The following GRID1 variants were observed in gnomAD, a reference collection of about 807,000 sequenced individuals.
GRID1 encodes glutamate receptor ionotropic, delta-1.
GRID1 carries 28 observed loss-of-function variants against 98.0 expected under a neutral mutation model. That is an observed-to-expected ratio of 0.29 (90% CI 0.21 to 0.39). The LOEUF (loss-of-function observed/expected upper bound fraction) is 0.39. Ranked by LOEUF, GRID1 falls within the 10% of genes least tolerant of loss-of-function variation. The probability of loss-of-function intolerance (pLI) is 1.00; values close to 1 mark genes in which losing one functional copy is unlikely to be tolerated. For missense variants in GRID1, 1,111 were observed against 1,340.5 expected, an observed-to-expected ratio of 0.83 and a Z score of 2.67; for synonymous variants, 553 against 538.5, an observed-to-expected ratio of 1.03 and a Z score of -0.37.
intron 4 of GRID1, among the ~76,000 whole-genome samples, chr10:85,951,916 C>A (rs991595717): frequency 6.6e-6 from 1 of 152,214 alleles, no homozygotes; most frequent in Non-Finnish European, 1.5e-5. Flanking sequence ...GTGAGGCCGA[C>A]GCCTTGCCTG....
At chr10:86,040,753 C>T (rs1156327462) in intron 4 of GRID1, among the ~76,000 whole-genome samples, 5 of 152,056 alleles carry the variant, frequency 3.3e-5, no homozygotes, top group Non-Finnish European at 5.9e-5. Flanking sequence ...TTTGAATGTT[C>T]CCACAACAAA....
intron 8 of GRID1, among the ~76,000 whole-genome samples, chr10:85,821,575 G>GTGT (rs1477033234): frequency 6.8e-6 from 1 of 146,404 alleles, no homozygotes; most frequent in Admixed American, 6.8e-5. Flanking sequence ...ACTGTGGGTG[G>GTGT]TGTTAGAGGG....
chr10:85,685,199 T>A lies in GRID1; in HGVS notation c.1998-37802A>T, dbSNP rs111307070. 4.8e-3 allele frequency among the ~76,000 whole-genome samples: 727 copies of A among 152,318 alleles called. 8 individuals carry two copies. The highest frequency in any genetic ancestry group is 0.016 in the African/African-American group (674 of 41,566). The stretch of plus-strand genomic sequence containing the variant: ...AATTCCAGGAGAATTTATAGTTAAG[T>A]TATTAAAATTAATAAGCCTATTCAG... On this transcript the variant is annotated intron_variant, in intron 12 of 15. Transcript: ENST00000327946.
At chr10:86,213,467 C>T (rs1846133236) in intron 2 of GRID1, among the ~76,000 whole-genome samples, 1 of 151,968 alleles carries the variant, frequency 6.6e-6, no homozygotes, top group Admixed American at 6.6e-5. Flanking sequence ...CAAGCTATCT[C>T]GCATGACTTC....
Position 85,620,048 on chromosome 10 carries a change from T to A in GRID1, c.2194-15A>T. ...CCCTTCTTTGCCTGAAAGATCAAAA[T>A]TACCATGAAGTCAGGCAGTCCTGGC... On this transcript the variant is annotated splice_polypyrimidine_tract_variant and intron_variant, in intron 13 of 15. Coordinates refer to ENST00000327946, the MANE Select transcript of GRID1 (RefSeq NM_017551.3). 1 of 1,611,900 alleles carries A rather than the reference T, an allele frequency of 6.2e-7. No individual in the cohort carries two copies. The highest frequency in any genetic ancestry group is 2.2e-5 in the East Asian group (1 of 44,846).
intron 12 of GRID1, among the ~76,000 whole-genome samples, chr10:85,670,464 A>C (rs1841072350): frequency 6.6e-6 from 1 of 152,238 alleles, no homozygotes; most frequent in South Asian, 2.1e-4. Context: ...AAAGGAGACC[A>C]GGGAAGAAAG....
chr10:86,351,407 A>C (rs535861048), intron 2 of GRID1, among the ~76,000 whole-genome samples: 4 of 152,298 alleles, frequency 2.6e-5, no homozygotes, highest in African/African-American at 9.6e-5. Flanking sequence ...AGGTGGGCTG[A>C]GGGATCAATG....
chr10:86,241,154 C>A (rs993015150), intron 2 of GRID1, among the ~76,000 whole-genome samples: 3 of 152,228 alleles, frequency 2.0e-5, no homozygotes, highest in Non-Finnish European at 4.4e-5. Context: ...TGCACCAGCT[C>A]CCACTTGTTT....
Position 86,206,774 on chromosome 10 carries a change from G to T in GRID1, c.236-126C>A. On this transcript the variant is annotated intron_variant, in intron 2 of 15. Transcript: ENST00000327946. This position sits in a 1 kb window ranked among gnomAD's most constrained non-coding sequence, Gnocchi z 4.1. ...CCCAAGAGAGGCTGCCTCCCTCCAGGACCAAGAACCATCCTGGGCAGGCCA... is the reference window on the plus strand; with the variant it reads ...CCCAAGAGAGGCTGCCTCCCTCCAGTACCAAGAACCATCCTGGGCAGGCCA... The T allele has an allele frequency of 1.2e-6, 1 of 817,914 alleles. No individual in the cohort carries two copies. The highest frequency in any genetic ancestry group is 2.7e-5 in the East Asian group (1 of 37,364). 50.7% of individuals were successfully genotyped at this position (817,914 alleles called of 1,614,324 possible).
At chr10:86,152,076 C>T (rs1321808722) in intron 3 of GRID1, among the ~76,000 whole-genome samples, 2 of 152,166 alleles carry the variant, frequency 1.3e-5, no homozygotes, top group Admixed American at 6.5e-5. Context: ...AGGGAGTGCA[C>T]GAGAAGGGGT....
Position 86,363,914 on chromosome 10 carries a change from T to A in GRID1, c.235+27A>T, listed in dbSNP as rs116536584. The A allele has an allele frequency of 6.8e-4, 1,092 of 1,601,612 alleles. 8 individuals carry two copies. The African/African-American group carries it at 0.013, about 20-fold the overall frequency. ...CGACGCCTCGCAGGCCGTGTCCCAG[T>A]GGGCCCTGGGCACAGCGGTCACTCA... On this transcript the variant is annotated intron_variant, in intron 2 of 15. Transcript: ENST00000327946.
At chr10:85,646,932 C>T (rs1843201125) in intron 13 of GRID1, 1 of 496,754 alleles carries the variant, frequency 2.0e-6, no homozygotes, top group South Asian at 2.4e-5. Flanking sequence ...TGTCACCCTC[C>T]TATGAGCCCA....
At position 85,611,283 on chromosome 10, in the gene GRID1, C is replaced by T. The variant is rs575565196; in HGVS notation, c.2601+2124G>A. Among the ~76,000 whole-genome samples, 5 of 152,298 alleles carry T rather than the reference C, an allele frequency of 3.3e-5. No homozygotes were observed. In the East Asian group the frequency reaches 9.6e-4, roughly 29 times the overall value. On this transcript the variant is annotated intron_variant, in intron 15 of 15. Coordinates refer to ENST00000327946, the MANE Select transcript of GRID1 (RefSeq NM_017551.3). ...TGAAATTGTCCAAACCGTCACTAAA[C>T]TAGGCATTGTGAAGGGACAAAGCTA... is the stretch of plus-strand genomic sequence containing the variant.
At chr10:86,052,126 T>G (rs1843510504) in intron 4 of GRID1, among the ~76,000 whole-genome samples, 1 of 152,194 alleles carries the variant, frequency 6.6e-6, no homozygotes, top group African/African-American at 2.4e-5. Context: ...GGCAAGCCTT[T>G]CTAATACGGA....
rs986755512 is a variant in GRID1, at chr10:85,937,599, G to A, written c.727-21360C>T. Among the ~76,000 whole-genome samples the A allele has an allele frequency of 6.6e-5, 10 of 152,270 alleles. 1 individual carries two copies. The highest frequency in any genetic ancestry group is 2.4e-4 in the African/African-American group (10 of 41,544). ...GAGGGTCTCCCCTCTTAAACTGTAA[G>A]ATTCTAGATGATAGGAGCTGAGTTT... On this transcript the variant is annotated intron_variant, in intron 4 of 15. Transcript: ENST00000327946.
chr10:86,290,372 G>A (rs57906456), intron 2 of GRID1, among the ~76,000 whole-genome samples: 1,791 of 152,298 alleles, frequency 0.012, 37 homozygotes, highest in African/African-American at 0.041. Flanking sequence ...TCCCGGCCAG[G>A]TGCGGTGGCT....
At chr10:85,629,187 A>G (rs2132532781) in intron 13 of GRID1, among the ~76,000 whole-genome samples, 1 of 152,326 alleles carries the variant, frequency 6.6e-6, no homozygotes, top group South Asian at 2.1e-4. Context: ...TTTGCATCTC[A>G]AAAAGGCCAC....
At position 86,206,461 on chromosome 10, in the gene GRID1, C is replaced by T. The variant is rs754940206; in HGVS notation, c.423G>A (p.Leu141=). The T allele has an allele frequency of 1.9e-6, 3 of 1,614,238 alleles. No individual in the cohort carries two copies. Among genetic ancestry groups the T allele is most frequent in the Non-Finnish European group, 2.5e-6 (3 of 1,180,042 alleles). The change falls in exon 3 of 16, where the codon CTG becomes CTA. Residue 141 remains leucine (L), a synonymous_variant. Transcript: ENST00000327946. The surrounding 1 kb of genome is among the most constrained non-coding windows in gnomAD (Gnocchi z 4.1). The part of the protein sequence containing the change: ...NPSPDGEAYT[L]ASRPPVRLND... ...TGAGGCGGACGGGTGGTCTCGAAGC[C>T]AGTGTGTAGGCCTCACCATCGGGGC... is the stretch of plus-strand genomic sequence containing the variant.
chr10:85,787,621 G>A (rs1842441400), intron 8 of GRID1, among the ~76,000 whole-genome samples: 1 of 152,162 alleles, frequency 6.6e-6, no homozygotes, highest in African/African-American at 2.4e-5. Context: ...GCCCAGCTCT[G>A]TGACATCCAC....
Sources: gnomAD v4.1 joint callset for allele counts (sites outside exome capture counted in the v4.1 genomes callset) on GRCh38, gnomAD v4.1.1 for gene constraint, Gnocchi (gnomAD v3.1) non-coding constraint, MANE v1.5 for transcripts, NCBI Gene and HGNC (gene_info 2026-07-23, HGNC 2026-07-21) for gene names.